SLC6A6: variants seen among roughly 807,000 people sequenced by gnomAD.
SLC6A6 encodes the protein sodium- and chloride-dependent taurine transporter.
In SLC6A6, 16 loss-of-function variants were observed where a neutral mutation model predicts 68.8. The observed-to-expected ratio is 0.23, with a 90% confidence interval of 0.16 to 0.35. The LOEUF is 0.35. Among genes scored for constraint, SLC6A6 ranks in the 10% least tolerant of loss-of-function variants. SLC6A6 has a pLI of 1.00. For synonymous variants in SLC6A6, 312 were observed against 315.4 expected (o/e 0.99, Z 0.12); for missense variants, 474 against 802.8 (o/e 0.59, Z 4.95).
In SLC6A6 at chr3:14,439,045, G is replaced by T. The variant is rs1028107572; in HGVS notation, c.-11-4579G>T. On this transcript the variant is annotated intron_variant, in intron 2 of 14. Transcript: ENST00000622186. ...TCAACTCAAAGCCCAGCTGGCTGGT[G>T]CTCAGGGCACCGGGAGGGATGCAGA... Among the ~76,000 whole-genome samples, 4 of 152,200 alleles carry T rather than the reference G, an allele frequency of 2.6e-5. No individual in the cohort carries two copies. The East Asian group carries it at 7.7e-4, about 29-fold the overall frequency.
At chr3:14,410,367 CA>C (rs1171835361) in intron 1 of SLC6A6, among the ~76,000 whole-genome samples, 1 of 152,130 alleles carries the variant, frequency 6.6e-6, no homozygotes, top group Non-Finnish European at 1.5e-5. Flanking sequence ...GGTTTTGTCA[CA>C]AGTCACTGGA....
intron 3 of SLC6A6, among the ~76,000 whole-genome samples, chr3:14,444,543 C>G (rs1032378722): frequency 6.6e-6 from 1 of 152,162 alleles, no homozygotes; most frequent in African/African-American, 2.4e-5. Context: ...CAGGCAGCAC[C>G]TAACGGTGGT....
intron 14 of SLC6A6, among the ~76,000 whole-genome samples, 169 bp downstream of exon 14, chr3:14,482,010 G>A (rs1359811923): frequency 6.6e-6 from 1 of 152,202 alleles, no homozygotes; most frequent in Non-Finnish European, 1.5e-5. Context: ...GTGGGAAGAC[G>A]GGAAGCAAGT....
intron 5 of SLC6A6, among the ~76,000 whole-genome samples, chr3:14,452,201 G>A (rs559477192): frequency 3.3e-5 from 5 of 152,150 alleles, no homozygotes; most frequent in Admixed American, 2.0e-4. Context: ...CTTTCCTTGT[G>A]GGGGGAGACA....
In SLC6A6 at chr3:14,485,008, G is replaced by C; in HGVS notation, c.*1G>C. On this transcript the variant is annotated 3_prime_UTR_variant, in exon 15 of 15. Coordinates refer to ENST00000622186, the MANE Select transcript of SLC6A6 (RefSeq NM_003043.6). ...CATCATTGTGGAGACCATGATGTGA[G>C]CTCTCTCGGGTCGACGGGGCCGGCG... 2 of 1,605,576 alleles carry C rather than the reference G, an allele frequency of 1.2e-6. No individual in the cohort carries two copies. Among genetic ancestry groups the C allele is most frequent in the Non-Finnish European group, 1.7e-6 (2 of 1,173,598 alleles).
At chr3:14,419,421 T>C (rs977769940) in intron 2 of SLC6A6, among the ~76,000 whole-genome samples, 1 of 152,144 alleles carries the variant, frequency 6.6e-6, no homozygotes, top group Admixed American at 6.5e-5. Context: ...CATGGGAATG[T>C]GTGTTAGTTG....
chr3:14,466,732 T>G, intron 7 of SLC6A6, 82 bp downstream of exon 7: 1 of 1,300,276 alleles, frequency 7.7e-7, no homozygotes, highest in Non-Finnish European at 1.0e-6. Context: ...TAGAGGCCAC[T>G]GGCAGCACAT....
rs989749605 is a variant in SLC6A6, at chr3:14,477,650, T to C, written c.1347+308T>C. ...CACAACATCTCTGTTCACCCCTGAC[T>C]GTGTGCCCTTCTCAGGCCTGGGGGT... On this transcript the variant is annotated intron_variant, in intron 11 of 14. Coordinates refer to ENST00000622186, the MANE Select transcript of SLC6A6 (RefSeq NM_003043.6). The surrounding 1 kb of genome is among the most constrained non-coding windows in gnomAD (Gnocchi z 4.2). Among the ~76,000 whole-genome samples the C allele has an allele frequency of 6.6e-6, 1 of 152,240 alleles. No homozygotes were observed. Among genetic ancestry groups the C allele is most frequent in the African/African-American group, 2.4e-5 (1 of 41,464 alleles).
intron 1 of SLC6A6, among the ~76,000 whole-genome samples, chr3:14,413,485 A>G (rs1002361139): frequency 8.5e-5 from 13 of 152,308 alleles, no homozygotes; most frequent in African/African-American, 2.9e-4. Context: ...TAGAACACGT[A>G]GTGACTCTGA....
chr3:14,466,595 G>A lies in SLC6A6; in HGVS notation c.812G>A (p.Gly271Asp). Residue 271 changes from glycine to aspartate, a missense_variant, in exon 7 of 15, where the codon GGC (glycine) becomes GAC (aspartate). Gly to Asp is a moderately conservative substitution (Grantham distance 94). This residue lies in a region of SLC6A6 where 280 missense variants were observed against 533.1 expected (regional missense o/e 0.53). Coordinates refer to ENST00000622186, the MANE Select transcript of SLC6A6 (RefSeq NM_003043.6). Reference sequence around the variant, plus strand: ...CGAGGGCTGACGCTGCCGGGCGCGGGCGCAGGCATCAAGTTCTATCTGTAT... The same window carrying A: ...CGAGGGCTGACGCTGCCGGGCGCGGACGCAGGCATCAAGTTCTATCTGTAT... ...LVRGLTLPGA[G>D]AGIKFYLYPD... 6.2e-7 allele frequency: 1 copy of A among 1,612,954 alleles called. No individual in the cohort carries two copies. The highest frequency in any genetic ancestry group is 8.5e-7 in the Non-Finnish European group (1 of 1,179,296).
Position 14,485,101 on chromosome 3 carries a change from AG to A in SLC6A6, c.*96del. On this transcript the variant is annotated 3_prime_UTR_variant, in exon 15 of 15. Coordinates refer to ENST00000622186, the MANE Select transcript of SLC6A6 (RefSeq NM_003043.6). ...GTTTACAGAGCTTTATATTTGCACT[AG>A]GATTTTTTTTTTTTTGTAATTGTCA... The A allele has an allele frequency of 9.1e-7, 1 of 1,104,062 alleles. No homozygotes were observed. The highest frequency in any genetic ancestry group is 1.2e-6 in the Non-Finnish European group (1 of 807,770). The allele number at this position is 1,104,062 out of a possible 1,614,324, so 68.4% of individuals were successfully genotyped here.
At chr3:14,446,158 A>G (rs1405540075) in intron 4 of SLC6A6, among the ~76,000 whole-genome samples, 1 of 152,234 alleles carries the variant, frequency 6.6e-6, no homozygotes, top group African/African-American at 2.4e-5. Context: ...AAGACATGGA[A>G]TCAGCCTAGG....
chr3:14,425,807 T>G (rs1173076961), intron 2 of SLC6A6, among the ~76,000 whole-genome samples: 1 of 152,182 alleles, frequency 6.6e-6, no homozygotes, highest in Non-Finnish European at 1.5e-5. Context: ...TTCATTGAGA[T>G]TGGTCACACC....
chr3:14,452,202 G>A (rs529776847), intron 5 of SLC6A6, among the ~76,000 whole-genome samples: 1 of 152,166 alleles, frequency 6.6e-6, no homozygotes, highest in Admixed American at 6.5e-5. Flanking sequence ...TTTCCTTGTG[G>A]GGGGAGACAA....
At chr3:14,447,473 C>T in intron 4 of SLC6A6, 109 bp from the exon 5 acceptor site, 5 of 1,418,516 alleles carry the variant, frequency 3.5e-6, no homozygotes, top group Non-Finnish European at 3.9e-6. Context: ...GTTGAAAGGC[C>T]TCTTGTGGCC....
At chr3:14,483,992 A>T (rs1051669686) in intron 14 of SLC6A6, among the ~76,000 whole-genome samples, 1 of 152,236 alleles carries the variant, frequency 6.6e-6, no homozygotes, top group Admixed American at 6.5e-5. Flanking sequence ...GTAGCTTTTA[A>T]TAAGCAGCTT....
At chr3:14,425,728 A>C (rs2880209) in intron 2 of SLC6A6, among the ~76,000 whole-genome samples, 31,749 of 151,244 alleles carry the variant, frequency 0.21, 3,544 homozygotes, top group South Asian at 0.33. Context: ...GGGAGGGTGG[A>C]AGGCAACAAT....
chr3:14,441,305 G>A (rs955379068), intron 2 of SLC6A6, among the ~76,000 whole-genome samples: 6 of 152,026 alleles, frequency 3.9e-5, no homozygotes, highest in African/African-American at 1.2e-4. Context: ...CCAATTATGC[G>A]CCCACCGAGC....
Position 14,443,809 on chromosome 3 carries a change from G to A in SLC6A6, c.175G>A (p.Val59Met), listed in dbSNP as rs1397163579. Residue 59 changes from valine (V) to methionine (M), a missense_variant, in exon 3 of 15, where the codon GTG (valine) becomes ATG (methionine). Transcript: ENST00000622186. ...TGTGCTCTCTGTGGCTGGCGGCTTC[G>A]TGGGCTTGGGCAACGTCTGGCGCTT... ...DFVLSVAGGFVGLGNVWRFPY... is the reference protein window; with the variant it reads ...DFVLSVAGGFMGLGNVWRFPY... 3.1e-6 allele frequency: 5 copies of A among 1,614,018 alleles called. No homozygotes were observed. Among genetic ancestry groups the A allele is most frequent in the African/African-American group, 1.3e-5 (1 of 74,930 alleles).
Sources: gnomAD v4.1 joint callset for allele counts (sites outside exome capture counted in the v4.1 genomes callset) on GRCh38, gnomAD v4.1.1 for gene constraint, gnomAD v4.1.1 regional missense constraint, Gnocchi (gnomAD v3.1) non-coding constraint, MANE v1.5 for transcripts, NCBI Gene and HGNC (gene_info 2026-07-23, HGNC 2026-07-21) for gene names.